RFTN1: variants seen among roughly 807,000 people sequenced by gnomAD.
RFTN1 encodes raftlin, lipid raft linker 1, also known as raftlin.
RFTN1 carries 26 observed loss-of-function variants against 46.5 expected under a neutral mutation model. The ratio of observed to expected loss-of-function variants is 0.56; its 90% CI spans 0.41 to 0.78. The LOEUF (loss-of-function observed/expected upper bound fraction) is 0.78. Among genes scored for constraint, RFTN1 ranks in the 30% least tolerant of loss-of-function variants. The pLI, the probability that RFTN1 is intolerant of heterozygous loss-of-function variation, is 0.00. For synonymous variants in RFTN1, 261 were observed against 284.2 expected (o/e 0.92, Z 0.82); for missense variants, 693 against 718.7 (o/e 0.96, Z 0.41).
At chr3:16,347,792 T>C (rs1230264407) in intron 7 of RFTN1, 1 of 152,246 alleles carries the variant, frequency 6.6e-6, no homozygotes, top group Admixed American at 6.5e-5. Context: ...CCAATAACTT[T>C]TATCTCGATT....
chr3:16,398,737 G>A (rs842496), intron 4 of RFTN1, among the ~76,000 whole-genome samples: 79,088 of 151,788 alleles, frequency 0.52, 21,733 homozygotes, highest in Middle Eastern at 0.61. Flanking sequence ...AGCAACAAGC[G>A]GAATGGAGAC....
chr3:16,319,322 C>G (rs1163575102), intron 9 of RFTN1, among the ~76,000 whole-genome samples: 1 of 152,142 alleles, frequency 6.6e-6, no homozygotes, highest in Non-Finnish European at 1.5e-5. Flanking sequence ...GGCTAAGAGG[C>G]CTTAAGTGCT....
chr3:16,448,548 C>T lies in RFTN1; in HGVS notation c.146-14511G>A, dbSNP rs2075772632. The stretch of plus-strand genomic sequence containing the variant: ...CAAAAGAGTAACCTTCCTTGAAGCA[C>T]ATTAAATTTTTTTTCTTAACTAACT... On this transcript the variant is annotated intron_variant, in intron 2 of 9. Transcript: ENST00000334133. This position sits in a 1 kb window ranked among gnomAD's most constrained non-coding sequence, Gnocchi z 4.1. Among the ~76,000 whole-genome samples the T allele has an allele frequency of 6.6e-6, 1 of 152,168 alleles. No individual in the cohort carries two copies. Among genetic ancestry groups the T allele is most frequent in the Non-Finnish European group, 1.5e-5 (1 of 68,028 alleles).
At chr3:16,414,650 G>A (rs1575254747) in intron 3 of RFTN1, among the ~76,000 whole-genome samples, 1 of 152,082 alleles carries the variant, frequency 6.6e-6, no homozygotes, top group East Asian at 1.9e-4. Context: ...CACAGCAGCA[G>A]GGTAAGGTGA....
rs151089930 is a variant in RFTN1 at position 16,395,323 on chromosome 3, T to C, written c.441+14052A>G. Among the ~76,000 whole-genome samples the C allele has an allele frequency of 2.3e-4, 35 of 152,342 alleles. No homozygotes were observed. The East Asian group carries it at 6.0e-3, about 26-fold the overall frequency. ...AAATGCTTTGTATCAACTTAGAAAT[T>C]ATGAAAAACTGAAAATTGTTTAAAT... On this transcript the variant is annotated intron_variant, in intron 4 of 9. Coordinates refer to ENST00000334133, the MANE Select transcript of RFTN1 (RefSeq NM_015150.2).
At chr3:16,491,029 C>T (rs2076532134) in intron 2 of RFTN1, among the ~76,000 whole-genome samples, 1 of 152,140 alleles carries the variant, frequency 6.6e-6, no homozygotes, top group East Asian at 1.9e-4. Flanking sequence ...GGGATTCTCT[C>T]TTCTAATGAA....
At position 16,484,485 on chromosome 3, in the gene RFTN1, G is replaced by A. The variant is rs536043510; in HGVS notation, c.145+9240C>T. 1.6e-3 allele frequency among the ~76,000 whole-genome samples: 251 copies of A among 152,300 alleles called. No individual in the cohort carries two copies. Among genetic ancestry groups the A allele is most frequent in the Non-Finnish European group, 2.9e-3 (194 of 68,004 alleles). ...AGCACAATGTCGAAGAAAACATCCC[G>A]AAAATCAGTTCTTAAAGTCCTCTTA... On this transcript the variant is annotated intron_variant, in intron 2 of 9. Transcript: ENST00000334133. This position sits in a 1 kb window ranked among gnomAD's most constrained non-coding sequence, Gnocchi z 4.6.
In RFTN1 at chr3:16,466,462, G is replaced by A. The variant is rs1211150384; in HGVS notation, c.145+27263C>T. ...TCATATACTCCAAATTCCTCAACTGGTGGTTCATGAAGCTCAGAAAAAGAT... is the reference window on the plus strand; with the variant it reads ...TCATATACTCCAAATTCCTCAACTGATGGTTCATGAAGCTCAGAAAAAGAT... On this transcript the variant is annotated intron_variant, in intron 2 of 9. Coordinates refer to ENST00000334133, the MANE Select transcript of RFTN1 (RefSeq NM_015150.2). The surrounding 1 kb of genome is among the most constrained non-coding windows in gnomAD (Gnocchi z 5.6). Among the ~76,000 whole-genome samples, 1 of 152,064 alleles carries A rather than the reference G, an allele frequency of 6.6e-6. No individual in the cohort carries two copies.
At chr3:16,397,586 T>C (rs1054848426) in intron 4 of RFTN1, among the ~76,000 whole-genome samples, 2 of 152,156 alleles carry the variant, frequency 1.3e-5, no homozygotes, top group African/African-American at 2.4e-5. Context: ...CTGTAAACCT[T>C]AAATATGTAC....
chr3:16,331,328 A>T (rs73818376), intron 7 of RFTN1, among the ~76,000 whole-genome samples: 42 of 152,358 alleles, frequency 2.8e-4, no homozygotes, highest in African/African-American at 1.0e-3. Flanking sequence ...ACCATGGGAA[A>T]TAAAGGTTTA....
intron 4 of RFTN1, among the ~76,000 whole-genome samples, chr3:16,388,137 ATT>A (rs1205555748): frequency 1.3e-5 from 2 of 152,158 alleles, no homozygotes; most frequent in African/African-American, 4.8e-5. Flanking sequence ...AGTCTTTGTC[ATT>A]GTTTCCCCCC....
chr3:16,415,426 T>A (rs80351227), intron 3 of RFTN1, among the ~76,000 whole-genome samples: 1 of 90,178 alleles, frequency 1.1e-5, no homozygotes, highest in Non-Finnish European at 2.9e-5. Flanking sequence ...TATATATATA[T>A]ATATACACAC....
Position 16,352,807 on chromosome 3 carries a change from A to G in RFTN1, c.1146+5125T>C, listed in dbSNP as rs1420843828. ...CCAGTATCCCCATTTATACAACTGA[A>G]AATAGAAAAAGCAGGTGTGGTTTAC... On this transcript the variant is annotated intron_variant, in intron 7 of 9. Coordinates refer to ENST00000334133, the MANE Select transcript of RFTN1 (RefSeq NM_015150.2). This position sits in a 1 kb window ranked among gnomAD's most constrained non-coding sequence, Gnocchi z 4.6. Among the ~76,000 whole-genome samples, 2 of 152,210 alleles carry G rather than the reference A, an allele frequency of 1.3e-5. No individual in the cohort carries two copies. Among genetic ancestry groups the G allele is most frequent in the African/African-American group, 4.8e-5 (2 of 41,452 alleles).
At chr3:16,491,587 C>T (rs1159615353) in intron 2 of RFTN1, among the ~76,000 whole-genome samples, 1 of 152,120 alleles carries the variant, frequency 6.6e-6, no homozygotes, top group Non-Finnish European at 1.5e-5. Flanking sequence ...GCAGCTGAAG[C>T]TCAGGGAAAC....
In RFTN1 at chr3:16,392,403, C is replaced by A. The variant is rs544053571; in HGVS notation, c.442-14301G>T. Among the ~76,000 whole-genome samples, 5 of 152,222 alleles carry A rather than the reference C, an allele frequency of 3.3e-5. No individual in the cohort carries two copies. In the South Asian group the frequency reaches 1.0e-3, roughly 32 times the overall value. Reference sequence around the variant, plus strand: ...TAGTTCAAATTCCCACACTCATTATCTGTGCTGGATCCCAGACAGGAGGTG... The same window carrying A: ...TAGTTCAAATTCCCACACTCATTATATGTGCTGGATCCCAGACAGGAGGTG... On this transcript the variant is annotated intron_variant, in intron 4 of 9. Transcript: ENST00000334133.
chr3:16,445,778 A>G (rs961483745), intron 2 of RFTN1, among the ~76,000 whole-genome samples: 2 of 152,164 alleles, frequency 1.3e-5, no homozygotes, highest in African/African-American at 4.8e-5. Flanking sequence ...ACCTTTTAAA[A>G]ATGTGACTTT....
chr3:16,441,157 T>G (rs551951893), intron 2 of RFTN1, among the ~76,000 whole-genome samples: 88 of 152,040 alleles, frequency 5.8e-4, no homozygotes, highest in Non-Finnish European at 1.1e-3. Context: ...AATAACAGGC[T>G]TTTATAAAAT....
In RFTN1 at chr3:16,406,286, C is replaced by T. The variant is rs574220069; in HGVS notation, c.441+3089G>A. On this transcript the variant is annotated intron_variant, in intron 4 of 9. Coordinates refer to ENST00000334133, the MANE Select transcript of RFTN1 (RefSeq NM_015150.2). The stretch of plus-strand genomic sequence containing the variant: ...CCAGTCCCATTATTTTGTCCCACTT[C>T]TTGTTGTCATGGCAACTGGACTAGA... 2.6e-5 allele frequency among the ~76,000 whole-genome samples: 4 copies of T among 152,316 alleles called. No individual in the cohort carries two copies. The South Asian group carries it at 8.3e-4, about 32-fold the overall frequency.
rs1161119572 is a variant in RFTN1 at position 16,448,570 on chromosome 3, A to C, written c.146-14533T>G. Among the ~76,000 whole-genome samples, 1 of 152,164 alleles carries C rather than the reference A, an allele frequency of 6.6e-6. No individual in the cohort carries two copies. On this transcript the variant is annotated intron_variant, in intron 2 of 9. Coordinates refer to ENST00000334133, the MANE Select transcript of RFTN1 (RefSeq NM_015150.2). The surrounding 1 kb of genome is among the most constrained non-coding windows in gnomAD (Gnocchi z 4.1). ...GCACATTAAATTTTTTTTCTTAACT[A>C]ACTGTCGCTATTCCAAATTGGAGGA...
Sources: gnomAD v4.1 joint callset for allele counts (sites outside exome capture counted in the v4.1 genomes callset) on GRCh38, gnomAD v4.1.1 for gene constraint, Gnocchi (gnomAD v3.1) non-coding constraint, MANE v1.5 for transcripts, NCBI Gene and HGNC (gene_info 2026-07-23, HGNC 2026-07-21) for gene names.